Variants in XKR6 observed in about 807,000 individuals in gnomAD.
XKR6 encodes the protein XK-related protein 6.
A neutral mutation model predicts 56.7 loss-of-function variants in XKR6; 22 were observed. That is an observed-to-expected ratio of 0.39 (90% CI 0.28 to 0.55). The LOEUF (loss-of-function observed/expected upper bound fraction) is 0.55. XKR6 is among the 20% of genes least tolerant of loss of function. The pLI, the probability that XKR6 is intolerant of heterozygous loss-of-function variation, is 0.66. For missense variants in XKR6, 852 were observed against 889.0 expected (o/e 0.96, Z 0.53); for synonymous variants, 524 against 387.8 (o/e 1.35, Z -4.13).
intron 1 of XKR6, among the ~76,000 whole-genome samples, chr8:11,116,077 C>G (rs918469107): frequency 6.6e-6 from 1 of 152,228 alleles, no homozygotes; most frequent in African/African-American, 2.4e-5. Context: ...AGTACATTTC[C>G]CACGGATGTT....
chr8:11,176,991 G>A (rs779721052), intron 1 of XKR6, among the ~76,000 whole-genome samples: 2 of 152,186 alleles, frequency 1.3e-5, no homozygotes, highest in African/African-American at 2.4e-5. Context: ...GTGACAGGAC[G>A]CCAATGTCAT....
At chr8:11,199,235 C>T (rs1804061575) in intron 1 of XKR6, among the ~76,000 whole-genome samples, 1 of 152,216 alleles carries the variant, frequency 6.6e-6, no homozygotes, top group Non-Finnish European at 1.5e-5. Flanking sequence ...CCCTCACTTC[C>T]CCTAGCCTGA....
In XKR6 at chr8:10,897,804, T is replaced by G. The variant is rs1363342299; in HGVS notation, c.*148A>C. ...GGGGTTGTGACTTATTAATTCTTTT[T>G]TTTTTGTAGTGGTGGTGTTGGTGTG... is the stretch of plus-strand genomic sequence containing the variant. On this transcript the variant is annotated 3_prime_UTR_variant, in exon 3 of 3. Transcript: ENST00000416569. The G allele has an allele frequency of 3.0e-6, 3 of 1,003,166 alleles. No homozygotes were observed. Among genetic ancestry groups the G allele is most frequent in the Non-Finnish European group, 4.2e-6 (3 of 717,920 alleles). The allele number at this position is 1,003,166 out of a possible 1,614,324, so 62.1% of individuals were successfully genotyped here.
At chr8:10,968,461 C>T (rs1003119171) in intron 1 of XKR6, among the ~76,000 whole-genome samples, 2 of 152,232 alleles carry the variant, frequency 1.3e-5, no homozygotes, top group African/African-American at 2.4e-5. Context: ...TGGCCTATGG[C>T]CCCCTTCGGT....
chr8:11,162,290 G>A (rs1276901363), intron 1 of XKR6, among the ~76,000 whole-genome samples: 1 of 152,164 alleles, frequency 6.6e-6, no homozygotes, highest in Non-Finnish European at 1.5e-5. Context: ...TCACCACAGA[G>A]TAAACCCAGG....
At chr8:11,112,735 A>G (rs2129180251) in intron 1 of XKR6, among the ~76,000 whole-genome samples, 1 of 152,332 alleles carries the variant, frequency 6.6e-6, no homozygotes, top group Non-Finnish European at 1.5e-5. Flanking sequence ...TTAAGAGCCC[A>G]CACACATAAA....
chr8:11,082,233 C>G (rs1797749526), intron 1 of XKR6, among the ~76,000 whole-genome samples: 1 of 152,186 alleles, frequency 6.6e-6, no homozygotes, highest in Non-Finnish European at 1.5e-5. Flanking sequence ...AAGCCCAGCT[C>G]CACTCTTTAC....
chr8:11,144,808 T>C (rs560736369), intron 1 of XKR6, among the ~76,000 whole-genome samples: 4 of 151,392 alleles, frequency 2.6e-5, no homozygotes, highest in African/African-American at 9.7e-5. Flanking sequence ...CCCTGCCTTG[T>C]TCACATCCTA....
rs139763869 is a variant in XKR6 at position 10,898,666 on chromosome 8, G to A, written c.1212C>T (p.Gly404=). ...ACTTGGACATGCAGAAGTCTGTTCC[G>A]CCATGGATGATCCAGAAGGCCATGG... ...WCAMAFWIIH[G]GTDFCMSKWE... The change falls in exon 3 of 3, where the codon GGC becomes GGT. Residue 404 remains glycine, a synonymous_variant. Coordinates refer to ENST00000416569, the MANE Select transcript of XKR6 (RefSeq NM_173683.4). The surrounding 1 kb of genome is among the most constrained non-coding windows in gnomAD (Gnocchi z 6.6). 4.8e-5 allele frequency: 77 copies of A among 1,614,098 alleles called. No homozygotes were observed. The highest frequency in any genetic ancestry group is 2.0e-4 in the East Asian group (9 of 44,872).
chr8:10,999,848 T>G (rs984824095), intron 1 of XKR6, among the ~76,000 whole-genome samples: 1 of 152,060 alleles, frequency 6.6e-6, no homozygotes, highest in Middle Eastern at 3.2e-3. Flanking sequence ...TGGGGCAGGG[T>G]CAAGAAGGCA....
chr8:11,146,271 C>T (rs553413594), intron 1 of XKR6, among the ~76,000 whole-genome samples: 6 of 152,132 alleles, frequency 3.9e-5, no homozygotes, highest in African/African-American at 9.7e-5. Flanking sequence ...AGGAGAAAAT[C>T]TTTGTGCCCT....
intron 2 of XKR6, among the ~76,000 whole-genome samples, chr8:10,905,623 A>G (rs13279922): frequency 0.16 from 23,627 of 152,094 alleles, 2,630 homozygotes; most frequent in African/African-American, 0.31. Context: ...GTCAGTCTGC[A>G]TATCAAGGAC....
intron 1 of XKR6, among the ~76,000 whole-genome samples, chr8:11,002,977 G>A (rs150189944): frequency 6.6e-6 from 1 of 152,030 alleles, no homozygotes; most frequent in Non-Finnish European, 1.5e-5. Context: ...AGAGAAGGGG[G>A]GTCACTGGCT....
At position 11,200,428 on chromosome 8, in the gene XKR6, CT is replaced by C. The variant is rs936028744; in HGVS notation, c.764+147del. On this transcript the variant is annotated intron_variant, in intron 1 of 2. Transcript: ENST00000416569. The surrounding 1 kb of genome is among the most constrained non-coding windows in gnomAD (Gnocchi z 6.4). Reference sequence around the variant, plus strand: ...CCAGGGATCCAGATCAAACGCCGGTCTTTTGGAGACGCCAGGGGCGGCGCGC... The same window carrying C: ...CCAGGGATCCAGATCAAACGCCGGTCTTTGGAGACGCCAGGGGCGGCGCGC... 1.3e-5 allele frequency: 15 copies of C among 1,118,832 alleles called. No homozygotes were observed. In the African/African-American group the frequency reaches 2.1e-4, roughly 16 times the overall value. The allele number at this position is 1,118,832 out of a possible 1,614,324, so 69.3% of individuals were successfully genotyped here.
chr8:11,078,369 C>T (rs1371916232), intron 1 of XKR6, among the ~76,000 whole-genome samples: 1 of 152,180 alleles, frequency 6.6e-6, no homozygotes. Context: ...ACACAGCTTT[C>T]AAATATTCAT....
chr8:11,108,252 A>G (rs1349151590), intron 1 of XKR6: 2 of 455,816 alleles, frequency 4.4e-6, no homozygotes, highest in Admixed American at 4.7e-5. Context: ...TGTAAGGAAT[A>G]AGGAAGGAAT....
intron 1 of XKR6, among the ~76,000 whole-genome samples, chr8:11,013,120 A>G (rs758234316): frequency 6.6e-6 from 1 of 152,208 alleles, no homozygotes; most frequent in African/African-American, 2.4e-5. Flanking sequence ...TTCCAAGCTA[A>G]CATGTATTAA....
In XKR6 at chr8:10,959,506, C is replaced by G. The variant is rs55788960; in HGVS notation, c.765-34676G>C. On this transcript the variant is annotated intron_variant, in intron 1 of 2. Coordinates refer to ENST00000416569, the MANE Select transcript of XKR6 (RefSeq NM_173683.4). ...GATGAAGGTGCCAGTGGATTTGGTTCCTGGTGAGGGCTCTCTTCCTACTTG... is the reference window on the plus strand; with the variant it reads ...GATGAAGGTGCCAGTGGATTTGGTTGCTGGTGAGGGCTCTCTTCCTACTTG... 2.5e-3 allele frequency among the ~76,000 whole-genome samples: 388 copies of G among 152,264 alleles called. 1 individual carries two copies. The highest frequency in any genetic ancestry group is 4.6e-3 in the Non-Finnish European group (314 of 68,014).
At chr8:10,945,028 T>G (rs933873493) in intron 1 of XKR6, among the ~76,000 whole-genome samples, 2 of 151,858 alleles carry the variant, frequency 1.3e-5, no homozygotes, top group Non-Finnish European at 2.9e-5. Context: ...GGATGTAGGG[T>G]CAAGCTCGAG....
Sources: allele counts gnomAD v4.1 joint callset (sites outside exome capture counted in the v4.1 genomes callset), GRCh38; gene constraint gnomAD v4.1.1; non-coding constraint Gnocchi (gnomAD v3.1); transcripts MANE v1.5; gene names NCBI Gene and HGNC (gene_info 2026-07-23, HGNC 2026-07-21).